The following EPM2A variants were observed in gnomAD, a reference collection of about 807,000 sequenced individuals.
EPM2A encodes EPM2A glucan phosphatase, laforin, also known as laforin.
EPM2A carries 21 observed loss-of-function variants against 26.5 expected under a neutral mutation model. That is an observed-to-expected ratio of 0.79 (90% confidence interval 0.56 to 1.14). The LOEUF is 1.14. Ranked by LOEUF, EPM2A falls within the 50% of genes most tolerant of loss-of-function variation. The pLI is 0.00. For synonymous variants in EPM2A, 217 were observed against 177.6 expected, an observed-to-expected ratio of 1.22 and a Z score of -1.76; for missense variants, 458 against 440.8, an observed-to-expected ratio of 1.04 and a Z score of -0.35.
chr6:145,383,965 G>T lies in EPM2A; in HGVS notation c.*59C>A, dbSNP rs193296753. On this transcript the variant is annotated 3_prime_UTR_variant, in exon 5 of 5. Coordinates refer to the EPM2A transcript ENST00000638717. ...AATGTTGTCATTAAATAATGACAAG[G>T]TTACATTTTATTAATGCTGTCCATT... 202 of 152,150 alleles carry T rather than the reference G, an allele frequency of 1.3e-3. 1 individual carries two copies. The highest frequency in any genetic ancestry group is 4.3e-3 in the African/African-American group (179 of 41,512). 9.4% of individuals were successfully genotyped at this position (152,150 alleles called of 1,614,324 possible).
In EPM2A at chr6:145,468,155, C is replaced by T. The variant is rs569048495; in HGVS notation, c.555+34367G>A. 2.0e-5 allele frequency among the ~76,000 whole-genome samples: 3 copies of T among 152,106 alleles called. No homozygotes were observed. The South Asian group carries it at 6.2e-4, about 32-fold the overall frequency. On this transcript the variant is annotated intron_variant, in intron 4 of 4. Transcript: ENST00000638717. ...GTAGATACTATCATATTCTTCCTGA[C>T]TATATGATAGCCTTTCACAGATAAA...
chr6:145,471,791 G>A (rs1779477477), intron 4 of EPM2A, among the ~76,000 whole-genome samples: 2 of 152,086 alleles, frequency 1.3e-5, no homozygotes, highest in Non-Finnish European at 2.9e-5. Context: ...AAAATGTTCT[G>A]TTTCTAAGAA....
intron 2 of EPM2A, among the ~76,000 whole-genome samples, chr6:145,545,598 C>T (rs1418590258): frequency 2.0e-5 from 3 of 152,146 alleles, no homozygotes; most frequent in Non-Finnish European, 2.9e-5. Context: ...CCAAGTCATA[C>T]CAGAGAGTTC....
chr6:145,457,300 A>G (rs1225396913), intron 4 of EPM2A, among the ~76,000 whole-genome samples: 2 of 151,952 alleles, frequency 1.3e-5, no homozygotes, highest in African/African-American at 4.8e-5. Context: ...CCAGGCCAAC[A>G]TGGTGAAACC....
chr6:145,596,786 T>A (rs1404858013), intron 2 of EPM2A, among the ~76,000 whole-genome samples: 2 of 152,066 alleles, frequency 1.3e-5, no homozygotes, highest in Non-Finnish European at 2.9e-5. Context: ...TGCTATCATT[T>A]GGACTAGATT....
At chr6:145,706,488 T>C (rs1430960092) in intron 1 of EPM2A, among the ~76,000 whole-genome samples, 3 of 152,202 alleles carry the variant, frequency 2.0e-5, no homozygotes, top group African/African-American at 7.2e-5. Context: ...ATGTTTTTCT[T>C]TCCCTCTGCT....
At chr6:145,673,225 C>T (rs1382058015) in intron 2 of EPM2A, among the ~76,000 whole-genome samples, 1 of 151,840 alleles carries the variant, frequency 6.6e-6, no homozygotes. Flanking sequence ...TTATTTTCCT[C>T]AAAAATAAAT....
chr6:145,616,114 A>T (rs1410170252), intron 2 of EPM2A, among the ~76,000 whole-genome samples: 1 of 152,214 alleles, frequency 6.6e-6, no homozygotes, highest in African/African-American at 2.4e-5. Flanking sequence ...AGCCCCTCCC[A>T]TCACAGGCCC....
intron 2 of EPM2A, chr6:145,638,195 C>T (rs962672765): frequency 2.0e-5 from 3 of 151,988 alleles, no homozygotes; most frequent in South Asian, 2.1e-4. Context: ...GTTAGTATTT[C>T]GCTAGTCGGT....
At chr6:145,418,012 C>T (rs1308726773) in intron 4 of EPM2A, among the ~76,000 whole-genome samples, 1 of 152,152 alleles carries the variant, frequency 6.6e-6, no homozygotes, top group African/African-American at 2.4e-5. Context: ...ATTCACTGCT[C>T]CCACTTGATC....
intron 1 of EPM2A, among the ~76,000 whole-genome samples, chr6:145,701,934 G>T (rs1383866779): frequency 6.6e-6 from 1 of 152,158 alleles, no homozygotes; most frequent in Non-Finnish European, 1.5e-5. Context: ...GAGCAAGAAA[G>T]AGAGTACCAG....
intron 4 of EPM2A, among the ~76,000 whole-genome samples, chr6:145,386,405 T>C (rs541759479): frequency 5.3e-5 from 8 of 152,252 alleles, no homozygotes; most frequent in African/African-American, 1.9e-4. Context: ...CGAAATCATG[T>C]GAATTATCAA....
At chr6:145,696,531 C>G (rs188170817) in intron 1 of EPM2A, among the ~76,000 whole-genome samples, 1 of 151,992 alleles carries the variant, frequency 6.6e-6, no homozygotes, top group African/African-American at 2.4e-5. Context: ...GTACCCCATA[C>G]ACATATACAA....
chr6:145,514,657 C>A (rs1461121934), intron 2 of EPM2A, among the ~76,000 whole-genome samples: 1 of 152,094 alleles, frequency 6.6e-6, no homozygotes, highest in Non-Finnish European at 1.5e-5. Flanking sequence ...ACCCTCCCTC[C>A]CCAAGTGATA....
intron 1 of EPM2A, chr6:145,705,496 A>G (rs1045781976): frequency 8.9e-6 from 4 of 450,008 alleles, no homozygotes; most frequent in South Asian, 6.3e-5. Flanking sequence ...TCTAGGCTGC[A>G]GTGAGGCAAG....
intron 4 of EPM2A, among the ~76,000 whole-genome samples, chr6:145,405,520 C>T (rs1778555828): frequency 6.6e-6 from 1 of 152,112 alleles, no homozygotes; most frequent in South Asian, 2.1e-4. Context: ...GTAATGTTCC[C>T]TGATAAAGCA....
intron 2 of EPM2A, among the ~76,000 whole-genome samples, chr6:145,563,391 G>A (rs574919428): frequency 6.6e-6 from 1 of 152,032 alleles, no homozygotes; most frequent in East Asian, 1.9e-4. Flanking sequence ...AGCCCACGGT[G>A]GTGAAAGTCC....
At chr6:145,618,922 A>G (rs1775572037) in intron 2 of EPM2A, among the ~76,000 whole-genome samples, 1 of 152,244 alleles carries the variant, frequency 6.6e-6, no homozygotes, top group South Asian at 2.1e-4. Context: ...TGAAAGGGGT[A>G]AGGATTACAA....
intron 1 of EPM2A, among the ~76,000 whole-genome samples, chr6:145,692,864 G>T (rs1434974369): frequency 6.6e-6 from 1 of 152,022 alleles, no homozygotes; most frequent in Non-Finnish European, 1.5e-5. Flanking sequence ...CTCCAGCTTT[G>T]TTCTTTTTGC....
Sources: allele counts gnomAD v4.1 joint callset (sites outside exome capture counted in the v4.1 genomes callset), GRCh38; gene constraint gnomAD v4.1.1; transcripts MANE v1.5; gene names NCBI Gene and HGNC (gene_info 2026-07-23, HGNC 2026-07-21).